CNTN5: variants seen among roughly 807,000 people sequenced by gnomAD.
CNTN5 encodes the protein contactin-5.
Under a neutral mutation model 129.1 loss-of-function variants are expected in CNTN5, and 77 were observed. That is an observed-to-expected ratio of 0.60 (90% CI 0.50 to 0.72). The LOEUF is 0.72. Ranked by LOEUF, CNTN5 falls within the 30% of genes least tolerant of loss-of-function variation. The pLI, the probability that CNTN5 is intolerant of heterozygous loss-of-function variation, is 0.00. For synonymous variants in CNTN5, 509 were observed against 465.6 expected, an observed-to-expected ratio of 1.09 and a Z score of -1.20; for missense variants, 1,478 against 1,328.8, an observed-to-expected ratio of 1.11 and a Z score of -1.75.
intron 3 of CNTN5, among the ~76,000 whole-genome samples, chr11:99,602,063 T>C (rs1046911223): frequency 6.6e-6 from 1 of 152,066 alleles, no homozygotes; most frequent in Non-Finnish European, 1.5e-5. Flanking sequence ...ATAATAACTG[T>C]GTTATAGAAA....
intron 6 of CNTN5, among the ~76,000 whole-genome samples, chr11:99,889,495 T>G (rs1344962632): frequency 6.6e-6 from 1 of 151,762 alleles, no homozygotes; most frequent in Non-Finnish European, 1.5e-5. Context: ...GCTCAAAACA[T>G]TATTTGTTAT....
chr11:99,471,673 G>A (rs1471624825), intron 2 of CNTN5, among the ~76,000 whole-genome samples: 2 of 151,728 alleles, frequency 1.3e-5, no homozygotes, highest in Non-Finnish European at 2.9e-5. Context: ...TTTAAGTCAT[G>A]AAAAGCATGT....
chr11:99,818,909 T>G (rs867393497), intron 3 of CNTN5, among the ~76,000 whole-genome samples: 1 of 152,104 alleles, frequency 6.6e-6, no homozygotes, highest in African/African-American at 2.4e-5. Context: ...ATAAATTTCA[T>G]TCATTTTTTT....
intron 1 of CNTN5, among the ~76,000 whole-genome samples, chr11:99,239,817 G>GT (rs1861451922): frequency 6.6e-6 from 1 of 151,854 alleles, no homozygotes; most frequent in Non-Finnish European, 1.5e-5. Flanking sequence ...GGCGCCTGTA[G>GT]TCCCAGCTAC....
intron 2 of CNTN5, among the ~76,000 whole-genome samples, chr11:99,452,563 G>A (rs992126459): frequency 3.3e-5 from 5 of 151,828 alleles, no homozygotes; most frequent in South Asian, 2.1e-4. Flanking sequence ...TAGTAGAGAC[G>A]AGGTTTCACT....
chr11:99,125,401 C>T (rs947305200), intron 1 of CNTN5, among the ~76,000 whole-genome samples: 1 of 151,514 alleles, frequency 6.6e-6, no homozygotes, highest in African/African-American at 2.4e-5. Flanking sequence ...TAAAATTTTA[C>T]ATCCCTGCAT....
At chr11:100,273,329 G>A (rs1407123605) in intron 18 of CNTN5, among the ~76,000 whole-genome samples, 1 of 152,102 alleles carries the variant, frequency 6.6e-6, no homozygotes, top group South Asian at 2.1e-4. Flanking sequence ...TGAGTTTGCT[G>A]GGCGTGTCTG....
At chr11:100,157,589 A>G (rs965407218) in intron 13 of CNTN5, among the ~76,000 whole-genome samples, 5 of 151,832 alleles carry the variant, frequency 3.3e-5, no homozygotes, top group Admixed American at 6.6e-5. Context: ...GAGCTTGATA[A>G]GCAAATTCTG....
At chr11:99,422,527 TA>T (rs1366489927) in intron 2 of CNTN5, among the ~76,000 whole-genome samples, 4,135 of 37,664 alleles carry the variant, frequency 0.11, 236 homozygotes, top group African/African-American at 0.25. Context: ...TTTATATATA[TA>T]TATATATATA....
intron 2 of CNTN5, among the ~76,000 whole-genome samples, chr11:99,550,660 A>G (rs1406379271): frequency 6.6e-6 from 1 of 152,206 alleles, no homozygotes; most frequent in African/African-American, 2.4e-5. Context: ...GTGGGAGTAG[A>G]AACACTTTTA....
intron 8 of CNTN5, among the ~76,000 whole-genome samples, chr11:99,997,880 T>C (rs908044389): frequency 6.6e-6 from 1 of 152,104 alleles, no homozygotes; most frequent in African/African-American, 2.4e-5. Flanking sequence ...TAATCCAGCA[T>C]ATAAACAGAA....
intron 2 of CNTN5, among the ~76,000 whole-genome samples, chr11:99,552,936 G>A (rs1022510484): frequency 6.6e-6 from 1 of 151,946 alleles, no homozygotes; most frequent in Admixed American, 6.6e-5. Flanking sequence ...GACTTACTTC[G>A]TAGACATATA....
At chr11:100,166,994 GAAGACTTAGACCCC>G (rs1947658436) in intron 13 of CNTN5, among the ~76,000 whole-genome samples, 1 of 151,770 alleles carries the variant, frequency 6.6e-6, no homozygotes, top group Admixed American at 6.6e-5. Context: ...TGGGGCAGAA[GAAGACTTAGACCCC>G]AAGTGTCTTA....
intron 7 of CNTN5, among the ~76,000 whole-genome samples, chr11:99,927,411 G>C (rs189980875): frequency 3.0e-4 from 45 of 152,170 alleles, no homozygotes; most frequent in Non-Finnish European, 5.3e-4. Context: ...TATTGTATTA[G>C]TGCATTATCC....
chr11:99,306,273 T>C (rs1018713496), intron 1 of CNTN5, among the ~76,000 whole-genome samples: 1 of 152,154 alleles, frequency 6.6e-6, no homozygotes, highest in African/African-American at 2.4e-5. Flanking sequence ...TCTCTGGACA[T>C]TGGGGAATTT....
chr11:99,272,866 C>T (rs929525319), intron 1 of CNTN5, among the ~76,000 whole-genome samples: 1 of 151,798 alleles, frequency 6.6e-6, no homozygotes, highest in Non-Finnish European at 1.5e-5. Context: ...TTATCTATAC[C>T]AGTCCCTATA....
chr11:99,689,390 G>A (rs528721293), intron 3 of CNTN5, among the ~76,000 whole-genome samples: 72 of 152,026 alleles, frequency 4.7e-4, no homozygotes, highest in South Asian at 4.0e-3. Context: ...AGCTGGGCGT[G>A]GTGGTGGGCG....
chr11:99,763,127 C>T (rs946507625), intron 3 of CNTN5, among the ~76,000 whole-genome samples: 8 of 115,930 alleles, frequency 6.9e-5, no homozygotes, highest in Non-Finnish European at 1.7e-4. Flanking sequence ...ATATACTTTA[C>T]TGTATCAACA....
intron 3 of CNTN5, among the ~76,000 whole-genome samples, chr11:99,684,075 C>T (rs1953678520): frequency 6.6e-6 from 1 of 151,698 alleles, no homozygotes; most frequent in Non-Finnish European, 1.5e-5. Flanking sequence ...TTTGTTTCCT[C>T]TACTCAACAT....
Sources: allele counts gnomAD v4.1 joint callset (sites outside exome capture counted in the v4.1 genomes callset), GRCh38; gene constraint gnomAD v4.1.1; transcripts MANE v1.5; gene names NCBI Gene and HGNC (gene_info 2026-07-23, HGNC 2026-07-21).